The following TOB2 variants were observed in gnomAD, a reference collection of about 807,000 sequenced individuals.
TOB2 encodes protein Tob2.
In TOB2, 3 loss-of-function variants were observed where a neutral mutation model predicts 17.3. The ratio of observed to expected loss-of-function variants is 0.17; its 90% CI spans 0.08 to 0.45. The LOEUF (loss-of-function observed/expected upper bound fraction) is 0.45, where lower values mean the gene tolerates loss of function less well. Among genes scored for constraint, TOB2 ranks in the 20% least tolerant of loss-of-function variants. TOB2 has a pLI of 0.99. For missense variants in TOB2, 407 were observed against 445.7 expected (o/e 0.91, Z 0.78); for synonymous variants, 163 against 185.6 (o/e 0.88, Z 0.99).
rs549893861 is a variant in TOB2 at position 41,433,699 on chromosome 22, C to T, written c.*2612G>A. 1.0e-4 allele frequency: 46 copies of T among 447,552 alleles called. No homozygotes were observed. Among genetic ancestry groups the T allele is most frequent in the African/African-American group, 9.0e-4 (44 of 49,136 alleles). 27.7% of individuals were successfully genotyped at this position (447,552 alleles called of 1,614,324 possible). On this transcript the variant is annotated 3_prime_UTR_variant, in exon 2 of 2. Coordinates refer to ENST00000327492, the MANE Select transcript of TOB2 (RefSeq NM_016272.4). ...AAAGAAAAAAGTTCATGACCCTGCT[C>T]CCCGGGCTCCTCTCCAGGCTTGCCT...
chr22:41,437,357 A>G lies in TOB2; in HGVS notation c.-12T>C, dbSNP rs531834419. 10 of 1,606,736 alleles carry G rather than the reference A, an allele frequency of 6.2e-6. No homozygotes were observed. The African/African-American group carries it at 9.4e-5, about 15-fold the overall frequency. On this transcript the variant is annotated 5_prime_UTR_variant, in exon 2 of 2. Coordinates refer to ENST00000327492, the MANE Select transcript of TOB2 (RefSeq NM_016272.4). ...ATCTCTAGCTGCATGGTCCTTTCCT[A>G]GGCAGAGAATCAGCACAGGGCACGT...
At chr22:41,443,881 C>T (rs1210399049) in intron 1 of TOB2, among the ~76,000 whole-genome samples, 1 of 152,162 alleles carries the variant, frequency 6.6e-6, no homozygotes, top group East Asian at 1.9e-4. Context: ...CCGCCTCAGC[C>T]TCCCAAAGTG....
chr22:41,440,184 C>T (rs1329022811), intron 1 of TOB2, among the ~76,000 whole-genome samples: 1 of 150,950 alleles, frequency 6.6e-6, no homozygotes, highest in Non-Finnish European at 1.5e-5. Flanking sequence ...ATGGCACGGT[C>T]TCGGCTCACT....
chr22:41,436,121 G>A lies in TOB2; in HGVS notation c.*190C>T. 1 of 594,334 alleles carries A rather than the reference G, an allele frequency of 1.7e-6. No homozygotes were observed. The highest frequency in any genetic ancestry group is 2.7e-6 in the Non-Finnish European group (1 of 377,280). 36.8% of individuals were successfully genotyped at this position (594,334 alleles called of 1,614,324 possible). A position where few individuals can be genotyped will look rare whatever the true frequency, so the allele number is the denominator to read the frequency against. ...ACAGGCCGGTGGGCGAGCGGTAAGG[G>A]GTGAGTGAAACACACTTGGGTGCTT... is the stretch of plus-strand genomic sequence containing the variant. On this transcript the variant is annotated 3_prime_UTR_variant, in exon 2 of 2. Coordinates refer to ENST00000327492, the MANE Select transcript of TOB2 (RefSeq NM_016272.4). The surrounding 1 kb of genome is among the most constrained non-coding windows in gnomAD (Gnocchi z 4.8).
rs2037544891 is a variant in TOB2 at position 41,436,228 on chromosome 22, TTTTTC to T, written c.*78_*82del. 1 of 1,459,616 alleles carries T rather than the reference TTTTTC, an allele frequency of 6.9e-7. No individual in the cohort carries two copies. The highest frequency in any genetic ancestry group is 9.0e-7 in the Non-Finnish European group (1 of 1,106,704). The allele number at this position is 1,459,616 out of a possible 1,614,324, so 90.4% of individuals were successfully genotyped here. On this transcript the variant is annotated 3_prime_UTR_variant, in exon 2 of 2. Transcript: ENST00000327492. The surrounding 1 kb of genome is among the most constrained non-coding windows in gnomAD (Gnocchi z 4.8). Reference sequence around the variant, plus strand: ...AGAAGATCGAAAATCTTTTTGTACATTTTTCTTTTCCTCTTTTTTTTGGCCTTTCC... The same window carrying T: ...AGAAGATCGAAAATCTTTTTGTACATTTTTCCTCTTTTTTTTGGCCTTTCC...
In TOB2 at chr22:41,433,608, T is replaced by C. The variant is rs1041644959; in HGVS notation, c.*2703A>G. ...AAACTAAAATCTCTAAACACACCAA[T>C]GTCCCATTCCAAAATATTGCACAAC... is the stretch of plus-strand genomic sequence containing the variant. On this transcript the variant is annotated 3_prime_UTR_variant, in exon 2 of 2. Transcript: ENST00000327492. 1.2e-5 allele frequency: 3 copies of C among 240,602 alleles called. No individual in the cohort carries two copies. Among genetic ancestry groups the C allele is most frequent in the Non-Finnish European group, 2.7e-5 (3 of 112,940 alleles). 14.9% of individuals were successfully genotyped at this position (240,602 alleles called of 1,614,324 possible).
chr22:41,436,605 C>T lies in TOB2; in HGVS notation c.741G>A (p.Pro247=), dbSNP rs141452705. The T allele has an allele frequency of 1.3e-5, 21 of 1,612,426 alleles. No individual in the cohort carries two copies. The highest frequency in any genetic ancestry group is 6.7e-5 in the African/African-American group (5 of 74,898). The change falls in exon 2 of 2, where the codon CCG becomes CCA. Residue 247 remains proline, a synonymous_variant. Transcript: ENST00000327492. This position sits in a 1 kb window ranked among gnomAD's most constrained non-coding sequence, Gnocchi z 4.8. ...TGGGTGAGAGCTGGGACTGAGGGGC[C>T]GGGTTGGCCGTGATGAAGTTCAGTG... The part of the protein sequence containing the change: ...MHSLNFITAN[P]APQSQLSPNA...
rs1055588995 is a variant in TOB2 at position 41,436,227 on chromosome 22, A to T, written c.*84T>A. 1.4e-6 allele frequency: 2 copies of T among 1,457,460 alleles called. No homozygotes were observed. The allele number at this position is 1,457,460 out of a possible 1,614,324, so 90.3% of individuals were successfully genotyped here. A position where few individuals can be genotyped will look rare whatever the true frequency, so the allele number is the denominator to read the frequency against. On this transcript the variant is annotated 3_prime_UTR_variant, in exon 2 of 2. Coordinates refer to ENST00000327492, the MANE Select transcript of TOB2 (RefSeq NM_016272.4). This position sits in a 1 kb window ranked among gnomAD's most constrained non-coding sequence, Gnocchi z 4.8. The stretch of plus-strand genomic sequence containing the variant: ...GAGAAGATCGAAAATCTTTTTGTAC[A>T]TTTTTCTTTTCCTCTTTTTTTTGGC...
intron 1 of TOB2, among the ~76,000 whole-genome samples, chr22:41,439,218 C>T (rs1193114177): frequency 6.6e-6 from 1 of 152,184 alleles, no homozygotes; most frequent in African/African-American, 2.4e-5. Context: ...TGTTCCTAGC[C>T]AGACCTCTGG....
chr22:41,442,950 G>A (rs2037635330), intron 1 of TOB2, among the ~76,000 whole-genome samples: 1 of 151,958 alleles, frequency 6.6e-6, no homozygotes, highest in Admixed American at 6.6e-5. Flanking sequence ...CACAAACGGC[G>A]AAAAAGGGAG....
chr22:41,445,701 C>T (rs2037676718), intron 1 of TOB2, among the ~76,000 whole-genome samples: 1 of 152,188 alleles, frequency 6.6e-6, no homozygotes, highest in African/African-American at 2.4e-5. Flanking sequence ...GGCCCCACCT[C>T]GCAGGCACCT....
Position 41,436,053 on chromosome 22 carries a change from A to G in TOB2, c.*258T>C. 1 of 390,430 alleles carries G rather than the reference A, an allele frequency of 2.6e-6. No individual in the cohort carries two copies. Among genetic ancestry groups the G allele is most frequent in the Non-Finnish European group, 4.5e-6 (1 of 221,148 alleles). The allele number at this position is 390,430 out of a possible 1,614,324, so 24.2% of individuals were successfully genotyped here. On this transcript the variant is annotated 3_prime_UTR_variant, in exon 2 of 2. Transcript: ENST00000327492. This position sits in a 1 kb window ranked among gnomAD's most constrained non-coding sequence, Gnocchi z 4.8. ...TAGAAAACTACATGTAAGAAAAAAAAAAAAGAAAAAGAAATATAAAACCCA... is the reference window on the plus strand; with the variant it reads ...TAGAAAACTACATGTAAGAAAAAAAGAAAAGAAAAAGAAATATAAAACCCA...
intron 1 of TOB2, among the ~76,000 whole-genome samples, chr22:41,438,665 A>G (rs1242338763): frequency 1.3e-5 from 2 of 148,562 alleles, no homozygotes; most frequent in East Asian, 2.0e-4. Flanking sequence ...AAAAAAAGGA[A>G]TAAGACATAA....
At chr22:41,441,702 AG>A (rs2037622558) in intron 1 of TOB2, among the ~76,000 whole-genome samples, 1 of 152,076 alleles carries the variant, frequency 6.6e-6, no homozygotes, top group South Asian at 2.1e-4. Context: ...TCACAAGGTC[AG>A]GAGTCCGAGA....
At chr22:41,437,470 A>G in intron 1 of TOB2, 63 bp from the exon 2 acceptor site, 1 of 1,483,982 alleles carries the variant, frequency 6.7e-7, no homozygotes, top group Non-Finnish European at 8.9e-7. Context: ...ACAGCTAGGG[A>G]TAGACAGAAA....
rs113362539 is a variant in TOB2 at position 41,434,478 on chromosome 22, C to G, written c.*1833G>C. ...GAAACAAAGGGTGGCCCAGACTGGG[C>G]TGGCCCCTGAGAAGTCTAGGGGAAC... is the stretch of plus-strand genomic sequence containing the variant. On this transcript the variant is annotated 3_prime_UTR_variant, in exon 2 of 2. Coordinates refer to ENST00000327492, the MANE Select transcript of TOB2 (RefSeq NM_016272.4). The G allele has an allele frequency of 0.021, 3,218 of 152,904 alleles. 117 individuals carry two copies. The highest frequency in any genetic ancestry group is 0.068 in the African/African-American group (2,808 of 41,544). The allele number at this position is 152,904 out of a possible 1,614,324, so 9.5% of individuals were successfully genotyped here.
chr22:41,443,621 ATTTT>A (rs71184808), intron 1 of TOB2, among the ~76,000 whole-genome samples: 11 of 109,164 alleles, frequency 1.0e-4, no homozygotes, highest in Admixed American at 1.9e-4. Flanking sequence ...TAGCCAGAAG[ATTTT>A]TTTTTTTTTT....
In TOB2 at chr22:41,437,046, G is replaced by A. The variant is rs528142533; in HGVS notation, c.300C>T (p.Ser100=). 2.5e-6 allele frequency: 4 copies of A among 1,614,106 alleles called. No individual in the cohort carries two copies. Among genetic ancestry groups the A allele is most frequent in the Non-Finnish European group, 3.4e-6 (4 of 1,180,032 alleles). ...LSVWIDPFEV[S]YQIGEKGAVK... ...CAGCTCCCTTCTCACCAATCTGGTAGGACACCTCAAAGGGATCAATCCAGA... is the reference window on the plus strand; with the variant it reads ...CAGCTCCCTTCTCACCAATCTGGTAAGACACCTCAAAGGGATCAATCCAGA... Residue 100 remains serine (S), a synonymous_variant, in exon 2 of 2, where the codon TCC becomes TCT. Coordinates refer to ENST00000327492, the MANE Select transcript of TOB2 (RefSeq NM_016272.4).
At chr22:41,443,024 A>G (rs961834606) in intron 1 of TOB2, among the ~76,000 whole-genome samples, 2 of 152,204 alleles carry the variant, frequency 1.3e-5, no homozygotes, top group African/African-American at 4.8e-5. Context: ...CAACCTATTA[A>G]AAAGGGCAAA....
Sources: allele counts gnomAD v4.1 joint callset (sites outside exome capture counted in the v4.1 genomes callset), GRCh38; gene constraint gnomAD v4.1.1; non-coding constraint Gnocchi (gnomAD v3.1); transcripts MANE v1.5; gene names NCBI Gene and HGNC (gene_info 2026-07-23, HGNC 2026-07-21).